HTR2C: variants seen among roughly 807,000 people sequenced by gnomAD.
The protein encoded by HTR2C is 5-hydroxytryptamine (serotonin) receptor 2C, G protein-coupled.
In HTR2C, 5 loss-of-function variants were observed where a neutral mutation model predicts 21.0. The observed-to-expected ratio is 0.24, with a 90% confidence interval of 0.12 to 0.50. The LOEUF is 0.50. Among genes scored for constraint, HTR2C ranks in the 20% least tolerant of loss-of-function variants. HTR2C has a pLI of 0.98. For synonymous variants in HTR2C, 150 were observed against 145.3 expected (o/e 1.03, Z -0.23); for missense variants, 271 against 371.2 (o/e 0.73, Z 2.22).
intron 2 of HTR2C, among the ~76,000 whole-genome samples, chrX:114,662,834 A>C (rs1321901434): frequency 9.0e-6 from 1 of 111,536 alleles, no homozygotes; most frequent in Non-Finnish European, 1.9e-5. Flanking sequence ...AATAATCCTA[A>C]AATAAAATGT....
At chrX:114,604,805 G>A (rs868923652) in intron 1 of HTR2C, among the ~76,000 whole-genome samples, 57 of 111,388 alleles carry the variant, frequency 5.1e-4, no homozygotes, top group African/African-American at 1.6e-3. Context: ...ATGCCTGGCC[G>A]CTGCGGTTCA....
At chrX:114,646,652 T>A (rs1483378405) in intron 2 of HTR2C, among the ~76,000 whole-genome samples, 4 of 112,341 alleles carry the variant, frequency 3.6e-5, no homozygotes, top group African/African-American at 1.3e-4. Flanking sequence ...TTCACTCTGT[T>A]AATGTGCAGA....
At chrX:114,604,178 G>C (rs1256821769) in intron 1 of HTR2C, among the ~76,000 whole-genome samples, 2 of 109,367 alleles carry the variant, frequency 1.8e-5, no homozygotes, top group Middle Eastern at 4.8e-3. Context: ...AGGACGCAAA[G>C]GAGGCTTTGG....
At chrX:114,770,489 T>A (rs782665301) in intron 4 of HTR2C, among the ~76,000 whole-genome samples, 11 of 111,660 alleles carry the variant, frequency 9.9e-5, no homozygotes, top group Non-Finnish European at 1.9e-4. Context: ...AAATGTTCTA[T>A]TAAGCCTATC....
chrX:114,787,247 C>T (rs1373068341), intron 4 of HTR2C, among the ~76,000 whole-genome samples: 1 of 111,931 alleles, frequency 8.9e-6, no homozygotes, highest in African/African-American at 3.2e-5. Context: ...TTGAAAGAGC[C>T]TTCCAAGATG....
At chrX:114,790,788 G>A (rs1231333626) in intron 4 of HTR2C, among the ~76,000 whole-genome samples, 1 of 109,841 alleles carries the variant, frequency 9.1e-6, no homozygotes, top group Non-Finnish European at 1.9e-5. Context: ...TGAATTACAT[G>A]AAGATTTAAT....
chrX:114,800,299 A>G (rs1556446438), intron 4 of HTR2C, among the ~76,000 whole-genome samples: 1 of 111,622 alleles, frequency 9.0e-6, no homozygotes, highest in Non-Finnish European at 1.9e-5. Context: ...TTTCCTGTTA[A>G]AACTTTTTGA....
At chrX:114,608,374 C>T (rs1928564339) in intron 1 of HTR2C, among the ~76,000 whole-genome samples, 1 of 110,899 alleles carries the variant, frequency 9.0e-6, no homozygotes, top group Admixed American at 9.7e-5. Flanking sequence ...TTCCATCACC[C>T]CCCAAAGTAA....
At chrX:114,624,886 G>A (rs193006736) in intron 2 of HTR2C, among the ~76,000 whole-genome samples, 95 of 111,929 alleles carry the variant, frequency 8.5e-4, no homozygotes, top group Middle Eastern at 9.2e-3. Flanking sequence ...GAAAAAAAAT[G>A]AAGAAAGGGC....
At chrX:114,667,478 A>G (rs782068195) in intron 2 of HTR2C, among the ~76,000 whole-genome samples, 3 of 111,764 alleles carry the variant, frequency 2.7e-5, no homozygotes, top group Non-Finnish European at 5.7e-5. Flanking sequence ...TCAACTCAAC[A>G]CTCAAAGCTT....
chrX:114,643,363 CTTTAT>C (rs1270689578), intron 2 of HTR2C, among the ~76,000 whole-genome samples: 2 of 110,494 alleles, frequency 1.8e-5, no homozygotes, highest in Non-Finnish European at 3.8e-5. Flanking sequence ...ACTTTGTAAT[CTTTAT>C]TTTGTCTTCT....
intron 4 of HTR2C, among the ~76,000 whole-genome samples, chrX:114,806,493 C>CATATATATACTGTATATATATACACCAT (rs2070442817): frequency 1.8e-5 from 1 of 56,672 alleles, no homozygotes; most frequent in African/African-American, 7.7e-5. Flanking sequence ...ATATATACAC[C>CATATATATACTGTATATATATACACCAT]ATATATATAC....
intron 2 of HTR2C, among the ~76,000 whole-genome samples, chrX:114,726,480 G>A (rs368400753): frequency 7.1e-4 from 80 of 112,578 alleles, no homozygotes; most frequent in Middle Eastern, 9.3e-3. Flanking sequence ...CTTCTTCTGC[G>A]TCGCTCACGC....
chrX:114,700,261 A>G (rs1013935541), intron 2 of HTR2C, among the ~76,000 whole-genome samples: 2 of 111,939 alleles, frequency 1.8e-5, no homozygotes, highest in African/African-American at 6.5e-5. Context: ...TTTAACTTAC[A>G]AAATGTATGA....
At chrX:114,605,273 G>A (rs1395587178) in intron 1 of HTR2C, among the ~76,000 whole-genome samples, 1 of 112,077 alleles carries the variant, frequency 8.9e-6, no homozygotes, top group Non-Finnish European at 1.9e-5. Context: ...CCAGGTGTGA[G>A]GAGGGGAGGT....
At chrX:114,771,382 G>T (rs1288800860) in intron 4 of HTR2C, among the ~76,000 whole-genome samples, 1 of 111,121 alleles carries the variant, frequency 9.0e-6, no homozygotes, top group African/African-American at 3.3e-5. Flanking sequence ...CCCTGAATCA[G>T]CATTGTTTGT....
chrX:114,800,616 A>C (rs1050354549), intron 4 of HTR2C, among the ~76,000 whole-genome samples: 2 of 111,329 alleles, frequency 1.8e-5, no homozygotes, highest in African/African-American at 6.5e-5. Flanking sequence ...TTTTTCTCAT[A>C]TATTATGCCA....
chrX:114,694,485 A>G (rs1258654585), intron 2 of HTR2C, among the ~76,000 whole-genome samples: 2 of 10,210 alleles, frequency 2.0e-4, no homozygotes, highest in Non-Finnish European at 4.3e-4. Context: ...ATATATATAT[A>G]TATATATACA....
At chrX:114,775,643 A>G (rs1172474966) in intron 4 of HTR2C, 1 of 508,524 alleles carries the variant, frequency 2.0e-6, no homozygotes, top group East Asian at 3.5e-5. Context: ...GTCTCCAGAT[A>G]GGATGGCTGC....
Sources: allele counts gnomAD v4.1 joint callset (sites outside exome capture counted in the v4.1 genomes callset), GRCh38; gene constraint gnomAD v4.1.1; transcripts MANE v1.5; gene names NCBI Gene and HGNC (gene_info 2026-07-23, HGNC 2026-07-21).